DLEC1: variants seen among roughly 807,000 people sequenced by gnomAD.
The protein encoded by DLEC1 is DLEC1 cilia and flagella associated protein.
In DLEC1, 146 loss-of-function variants were observed where a neutral mutation model predicts 198.1. The observed-to-expected ratio is 0.74, with a 90% CI of 0.64 to 0.85. The LOEUF (loss-of-function observed/expected upper bound fraction) is 0.85, where lower values mean the gene tolerates loss of function less well. Among genes scored for constraint, DLEC1 ranks in the 40% least tolerant of loss-of-function variants. DLEC1 has a pLI of 0.00. For synonymous variants in DLEC1, 897 were observed against 866.8 expected (o/e 1.03, Z -0.61); for missense variants, 2,233 against 2,220.0 (o/e 1.01, Z -0.12).
At chr3:38,040,657 A>G (rs1403448484) in intron 1 of DLEC1, among the ~76,000 whole-genome samples, 2 of 152,016 alleles carry the variant, frequency 1.3e-5, no homozygotes, top group Non-Finnish European at 2.9e-5. Flanking sequence ...TGAACTTCAG[A>G]CTCACATCCC....
chr3:38,118,149 A>G, intron 33 of DLEC1, 125 bp downstream of exon 33: 2 of 1,071,118 alleles, frequency 1.9e-6, no homozygotes, highest in Non-Finnish European at 2.7e-6. Context: ...ACCCTGCCAT[A>G]CCCTGCATGA....
chr3:38,085,378 G>C lies in DLEC1; in HGVS notation c.1366G>C (p.Val456Leu). The C allele has an allele frequency of 6.2e-7, 1 of 1,614,102 alleles. No homozygotes were observed. The change falls in exon 8 of 37, where the codon GTG becomes CTG. Residue 456 changes from valine to leucine, a missense_variant. By Grantham distance (32) the Val-to-Leu change is conservative. Transcript: ENST00000308059. ...TGGGGATTTTGATGATTTTATTTTA[G>C]TGGAGACCCAGTCAGCCCACACACT... ...CLGDFDDFIL[V>L]ETQSAHTLLI...
chr3:38,098,108 C>T lies in DLEC1; in HGVS notation c.2724+206C>T, dbSNP rs1327582790. On this transcript the variant is annotated intron_variant, in intron 18 of 36. Coordinates refer to ENST00000308059, the MANE Select transcript of DLEC1 (RefSeq NM_007335.4). ...CTCTCTACAGCCAAATGTAATCCCC[C>T]ATCAGCATTTCCTGTGCCTTTCACT... 3.9e-5 allele frequency among the ~76,000 whole-genome samples: 6 copies of T among 152,340 alleles called. No homozygotes were observed. In the East Asian group the frequency reaches 1.2e-3, roughly 29 times the overall value.
chr3:38,069,159 C>T (rs989093548), intron 6 of DLEC1, among the ~76,000 whole-genome samples: 2 of 152,048 alleles, frequency 1.3e-5, no homozygotes, highest in African/African-American at 4.8e-5. Context: ...GGGAAGAGGG[C>T]AGTATTCTAT....
rs1395934916 is a variant in DLEC1 at position 38,116,566 on chromosome 3, CT to C, written c.3972del (p.Val1325CysfsTer106). On this transcript the variant is annotated frameshift_variant, in exon 28 of 37. Transcript: ENST00000308059. LOFTEE classifies it high-confidence loss of function. ...GCTGCGGGACCAAGCCGGGAATGAG[CT>C]TGTGTGCCCTGATACCCCTGAGGGT... is the stretch of plus-strand genomic sequence containing the variant. ...FPLRDQAGNE[L>X]VCPDTPEGGC... is the part of the protein sequence containing the mutation. 1.2e-6 allele frequency: 2 copies of C among 1,614,032 alleles called. No homozygotes were observed. The highest frequency in any genetic ancestry group is 1.7e-6 in the Non-Finnish European group (2 of 1,180,006).
rs1409132850 is a variant in DLEC1 at position 38,082,396 on chromosome 3, C to T, written c.1174-1762C>T. On this transcript the variant is annotated intron_variant, in intron 6 of 36. Transcript: ENST00000308059. ...ACTCCTCACTTCCCAGACGGGGTGG[C>T]GGCCGGGCAGAGGCTGCAATCTCGG... is the stretch of plus-strand genomic sequence containing the variant. 2.8e-4 allele frequency among the ~76,000 whole-genome samples: 42 copies of T among 151,014 alleles called. No homozygotes were observed. In the East Asian group the frequency reaches 5.2e-3, roughly 19 times the overall value.
At position 38,062,327 on chromosome 3, in the gene DLEC1, T is replaced by G; in HGVS notation, c.832T>G (p.Leu278Val). The G allele has an allele frequency of 6.2e-7, 1 of 1,614,176 alleles. No homozygotes were observed. The highest frequency in any genetic ancestry group is 8.5e-7 in the Non-Finnish European group (1 of 1,180,036). ...CACTGTGGACAGCCTGACATGGAATTTAACTCCTAAGGCCAAAGAAAGGAC... is the reference window on the plus strand; with the variant it reads ...CACTGTGGACAGCCTGACATGGAATGTAACTCCTAAGGCCAAAGAAAGGAC... ...DHTVDSLTWN[L>V]TPKAKERTRE... Residue 278 changes from leucine (L) to valine (V), a missense_variant, in exon 4 of 37, where the codon TTA becomes GTA. Leu to Val is a conservative substitution (Grantham distance 32, BLOSUM62 1). Coordinates refer to ENST00000308059, the MANE Select transcript of DLEC1 (RefSeq NM_007335.4).
At chr3:38,092,244 G>A (rs905845425) in intron 10 of DLEC1, among the ~76,000 whole-genome samples, 9 of 152,172 alleles carry the variant, frequency 5.9e-5, no homozygotes, top group African/African-American at 1.4e-4. Flanking sequence ...TGTCGTTTGC[G>A]ACAACATGGA....
chr3:38,116,514 G>A lies in DLEC1; in HGVS notation c.3918G>A (p.Leu1306=). The change falls in exon 28 of 37, where the codon CTG becomes CTA. Residue 1306 remains leucine (L), a synonymous_variant. Coordinates refer to ENST00000308059, the MANE Select transcript of DLEC1 (RefSeq NM_007335.4). ...ACAAGGAAGACCGGCTGGTGGAGCTGCTGGTGTTTTATGGGCCACCTTTCC... is the reference window on the plus strand; with the variant it reads ...ACAAGGAAGACCGGCTGGTGGAGCTACTGGTGTTTTATGGGCCACCTTTCC... ...PEDKEDRLVE[L]LVFYGPPFPL... 1 of 1,614,156 alleles carries A rather than the reference G, an allele frequency of 6.2e-7. No homozygotes were observed. The highest frequency in any genetic ancestry group is 8.5e-7 in the Non-Finnish European group (1 of 1,180,008).
intron 1 of DLEC1, among the ~76,000 whole-genome samples, chr3:38,042,345 AT>A (rs1427123484): frequency 6.6e-6 from 1 of 152,112 alleles, no homozygotes; most frequent in Admixed American, 6.6e-5. Context: ...GGATAATTTA[AT>A]TTTTTATAAT....
Position 38,062,739 on chromosome 3 carries a change from T to C in DLEC1, c.1032T>C (p.Leu344=). The change falls in exon 5 of 37, where the codon CTT becomes CTC. Residue 344 remains leucine, a synonymous_variant. Coordinates refer to ENST00000308059, the MANE Select transcript of DLEC1 (RefSeq NM_007335.4). ...PPNTRYGGKS[L]VFPPKKPAPI... is the part of the protein sequence containing the mutation. ...ACACTCGATATGGAGGCAAGTCTCT[T>C]GTTTTTCCTCCAAAGAAGCCAGCAC... 5 of 1,614,072 alleles carry C rather than the reference T, an allele frequency of 3.1e-6. No homozygotes were observed. Among genetic ancestry groups the C allele is most frequent in the African/African-American group, 2.7e-5 (2 of 75,008 alleles).
Position 38,096,739 on chromosome 3 carries a change from T to C in DLEC1, c.2340+2T>C. The C allele has an allele frequency of 6.2e-7, 1 of 1,604,200 alleles. No individual in the cohort carries two copies. Among genetic ancestry groups the C allele is most frequent in the East Asian group, 2.2e-5 (1 of 44,784 alleles). ...ATAAATGTGAAGAAGGCTTTTAAGG[T>C]AGGTCATTGTCTCTCCCCTGCCTAG... On this transcript the variant is annotated splice_donor_variant, in intron 15 of 36. Transcript: ENST00000308059. LOFTEE classifies it high-confidence loss of function.
chr3:38,063,525 A>G (rs1285285256), intron 5 of DLEC1, among the ~76,000 whole-genome samples: 1 of 152,204 alleles, frequency 6.6e-6, no homozygotes, highest in African/African-American at 2.4e-5. Flanking sequence ...AAGAAAGATT[A>G]GAAAAGACTA....
chr3:38,088,875 T>A (rs1445962318), intron 10 of DLEC1, among the ~76,000 whole-genome samples: 2 of 152,196 alleles, frequency 1.3e-5, no homozygotes, highest in South Asian at 4.1e-4. Flanking sequence ...GGTCTGCCCC[T>A]GGCTGTGGGC....
chr3:38,097,303 T>C, intron 16 of DLEC1, 28 bp downstream of exon 16: 1 of 1,560,874 alleles, frequency 6.4e-7, no homozygotes, highest in East Asian at 2.4e-5. Context: ...GGAGGGGTTG[T>C]GACCTGCCTG....
intron 6 of DLEC1, among the ~76,000 whole-genome samples, chr3:38,075,890 G>A (rs1391922501): frequency 6.6e-6 from 1 of 151,658 alleles, no homozygotes; most frequent in Non-Finnish European, 1.5e-5. Flanking sequence ...TGGGGTACTT[G>A]CCCCTCCCCT....
intron 2 of DLEC1, among the ~76,000 whole-genome samples, chr3:38,053,682 C>T (rs190419403): frequency 0.023 from 3,401 of 150,014 alleles, 128 homozygotes; most frequent in African/African-American, 0.079. Flanking sequence ...GCGGCCACCC[C>T]GTCTGGGAGG....
Position 38,117,978 on chromosome 3 carries a change from C to T in DLEC1, c.4658C>T (p.Ala1553Val), listed in dbSNP as rs780941716. The change falls in exon 33 of 37, where the codon GCC (alanine) becomes GTC (valine). Residue 1553 changes from alanine (A) to valine (V), a missense_variant. Ala to Val is a moderately conservative substitution (Grantham distance 64). Transcript: ENST00000308059. The stretch of plus-strand genomic sequence containing the variant: ...AAGCAGGAGTGTGAGGAGGAGACAG[C>T]CTCAGCGGACAAGCAGCTGGTGCTC... ...GQKQECEEET[A>V]SADKQLVLQA... The T allele has an allele frequency of 1.9e-6, 3 of 1,613,334 alleles. No individual in the cohort carries two copies. The highest frequency in any genetic ancestry group is 1.3e-5 in the African/African-American group (1 of 75,014).
At chr3:38,095,212 G>C in intron 13 of DLEC1, 141 bp downstream of exon 13, 1 of 1,028,664 alleles carries the variant, frequency 9.7e-7, no homozygotes, top group Non-Finnish European at 1.4e-6. Context: ...GGCTGAGTTG[G>C]GTTGGAGTAC....
Sources: gnomAD v4.1 joint callset for allele counts (sites outside exome capture counted in the v4.1 genomes callset) on GRCh38, gnomAD v4.1.1 for gene constraint, MANE v1.5 for transcripts, NCBI Gene and HGNC (gene_info 2026-07-23, HGNC 2026-07-21) for gene names.